Variants in SLC22A15 observed in about 807,000 individuals in gnomAD.
The protein encoded by SLC22A15 is flipt 1.
SLC22A15 carries 45 observed loss-of-function variants against 62.7 expected under a neutral mutation model. The ratio of observed to expected loss-of-function variants is 0.72; its 90% CI spans 0.56 to 0.92. The LOEUF (loss-of-function observed/expected upper bound fraction) is 0.92, where lower values mean the gene tolerates loss of function less well. Among genes scored for constraint, SLC22A15 ranks in the 40% least tolerant of loss-of-function variants. The pLI, the probability that SLC22A15 is intolerant of heterozygous loss-of-function variation, is 0.00. For missense variants in SLC22A15, 622 were observed against 665.6 expected, an observed-to-expected ratio of 0.93 and a Z score of 0.72; for synonymous variants, 264 against 267.0, an observed-to-expected ratio of 0.99 and a Z score of 0.11.
intron 2 of SLC22A15, among the ~76,000 whole-genome samples, chr1:116,000,870 G>A (rs1228389102): frequency 6.6e-6 from 1 of 152,066 alleles, no homozygotes; most frequent in Non-Finnish European, 1.5e-5. Context: ...CTGACCTCAT[G>A]ATCTGCCTGC....
Position 116,069,069 on chromosome 1 carries a change from C to T in SLC22A15, c.*1961C>T, listed in dbSNP as rs1315362067. ...TTGGGAGTCCATCTCTCTATTGGCA[C>T]TGGGTTCGATTGCCTCTGGCTAATA... On this transcript the variant is annotated 3_prime_UTR_variant, in exon 12 of 12. Coordinates refer to ENST00000369503, the MANE Select transcript of SLC22A15 (RefSeq NM_018420.3). The T allele has an allele frequency of 6.6e-6, 1 of 152,116 alleles. No homozygotes were observed. Among genetic ancestry groups the T allele is most frequent in the Non-Finnish European group, 1.5e-5 (1 of 68,020 alleles). The allele number at this position is 152,116 out of a possible 1,614,324, so 9.4% of individuals were successfully genotyped here. A position where few individuals can be genotyped will look rare whatever the true frequency, so the allele number is the denominator to read the frequency against.
chr1:115,980,798 G>A (rs1001767592), intron 1 of SLC22A15, among the ~76,000 whole-genome samples: 12 of 152,242 alleles, frequency 7.9e-5, no homozygotes, highest in Non-Finnish European at 1.5e-4. Context: ...AATTGTGATA[G>A]TAGTTTCATG....
intron 8 of SLC22A15, among the ~76,000 whole-genome samples, chr1:116,055,459 C>T (rs1007115059): frequency 6.7e-6 from 1 of 149,594 alleles, no homozygotes; most frequent in Non-Finnish European, 1.5e-5. Context: ...GATTCACAGC[C>T]AAATTCTACC....
At chr1:116,052,113 C>T (rs1032154036) in intron 8 of SLC22A15, among the ~76,000 whole-genome samples, 4 of 152,202 alleles carry the variant, frequency 2.6e-5, no homozygotes, top group African/African-American at 7.2e-5. Flanking sequence ...TTGCCTCACT[C>T]GGGAAGTGCA....
intron 5 of SLC22A15, among the ~76,000 whole-genome samples, chr1:116,028,380 CATTT>C (rs1657208573): frequency 6.6e-6 from 1 of 151,962 alleles, no homozygotes. Flanking sequence ...AATTAATAAA[CATTT>C]ATGTAAATAT....
At chr1:116,037,474 A>G (rs1425976652) in intron 8 of SLC22A15, 86 bp downstream of exon 8, 1 of 987,064 alleles carries the variant, frequency 1.0e-6, no homozygotes, top group Non-Finnish European at 1.6e-6. Context: ...ACCATATGGC[A>G]TGCTTCATTT....
At chr1:115,985,816 G>T (rs1186183988) in intron 1 of SLC22A15, among the ~76,000 whole-genome samples, 2 of 151,634 alleles carry the variant, frequency 1.3e-5, no homozygotes, top group Admixed American at 1.3e-4. Context: ...GTGTGGTGGC[G>T]GGTGCCTGTA....
chr1:116,037,253 G>T, intron 7 of SLC22A15, 50 bp from the exon 8 acceptor site: 4 of 1,450,914 alleles, frequency 2.8e-6, no homozygotes. Context: ...AGAAACAGAT[G>T]AATTTATAAG....
intron 1 of SLC22A15, among the ~76,000 whole-genome samples, chr1:115,982,736 C>A (rs1654671217): frequency 6.6e-6 from 1 of 152,202 alleles, no homozygotes; most frequent in Admixed American, 6.5e-5. Flanking sequence ...TACCTAGATG[C>A]TTTTTGTCCC....
At chr1:115,996,813 G>A (rs1390686911) in intron 2 of SLC22A15, among the ~76,000 whole-genome samples, 2 of 151,976 alleles carry the variant, frequency 1.3e-5, no homozygotes, top group African/African-American at 4.8e-5. Flanking sequence ...TATGAGTTGT[G>A]TAGCTTGTGC....
At chr1:116,042,856 T>C (rs1657827883) in intron 8 of SLC22A15, among the ~76,000 whole-genome samples, 3 of 152,154 alleles carry the variant, frequency 2.0e-5, no homozygotes, top group Non-Finnish European at 4.4e-5. Context: ...CCTAAACCAA[T>C]AGAATATGTA....
intron 8 of SLC22A15, among the ~76,000 whole-genome samples, chr1:116,040,927 G>A (rs1186068803): frequency 2.6e-5 from 4 of 152,204 alleles, no homozygotes; most frequent in African/African-American, 7.2e-5. Flanking sequence ...TAGAACCAAA[G>A]TATTCGTTGT....
chr1:115,999,018 A>G (rs1325188728), intron 2 of SLC22A15, among the ~76,000 whole-genome samples: 4 of 152,016 alleles, frequency 2.6e-5, no homozygotes, highest in Non-Finnish European at 5.9e-5. Flanking sequence ...TTTCTTCTTA[A>G]TTTCTTCTTT....
At chr1:116,030,850 A>G (rs77391355) in intron 5 of SLC22A15, among the ~76,000 whole-genome samples, 2,723 of 152,176 alleles carry the variant, frequency 0.018, 35 homozygotes, top group Middle Eastern at 0.065. Flanking sequence ...TCTACCTCCT[A>G]CATGTCACTA....
rs1484637373 is a variant in SLC22A15, at chr1:116,067,803, TCTGGCTGCCTG to T, written c.*696_*706del. The T allele has an allele frequency of 6.6e-6, 1 of 152,238 alleles. No homozygotes were observed. The highest frequency in any genetic ancestry group is 1.5e-5 in the Non-Finnish European group (1 of 68,082). The allele number at this position is 152,238 out of a possible 1,614,324, so 9.4% of individuals were successfully genotyped here. A position where few individuals can be genotyped will look rare whatever the true frequency, so the allele number is the denominator to read the frequency against. The stretch of plus-strand genomic sequence containing the variant: ...GTTTACTCAGAGTCAGGGGTGTAGC[TCTGGCTGCCTG>T]TCAGCTCCCTTGGATACTATATTGT... On this transcript the variant is annotated 3_prime_UTR_variant, in exon 12 of 12. Transcript: ENST00000369503.
Position 115,976,567 on chromosome 1 carries a change from G to A in SLC22A15, c.-61G>A. 2 of 1,352,322 alleles carry A rather than the reference G, an allele frequency of 1.5e-6. No homozygotes were observed. The highest frequency in any genetic ancestry group is 2.5e-5 in the South Asian group (2 of 80,512). 83.8% of individuals were successfully genotyped at this position (1,352,322 alleles called of 1,614,324 possible). A position where few individuals can be genotyped will look rare whatever the true frequency, so the allele number is the denominator to read the frequency against. On this transcript the variant is annotated 5_prime_UTR_variant, in exon 1 of 12. Transcript: ENST00000369503. ...CCGGGCGCCCAGGGGTTGCCGCGCTGGGCGGGAGGGCAGCGCCTGAGAGGG... is the reference window on the plus strand; with the variant it reads ...CCGGGCGCCCAGGGGTTGCCGCGCTAGGCGGGAGGGCAGCGCCTGAGAGGG...
intron 2 of SLC22A15, among the ~76,000 whole-genome samples, chr1:115,994,771 A>G (rs1463033002): frequency 6.6e-6 from 1 of 152,150 alleles, no homozygotes; most frequent in Admixed American, 6.5e-5. Flanking sequence ...TCATAACCAC[A>G]CCACAGTTAT....
intron 1 of SLC22A15, among the ~76,000 whole-genome samples, chr1:115,990,354 C>T (rs1179485570): frequency 6.6e-6 from 1 of 152,190 alleles, no homozygotes; most frequent in African/African-American, 2.4e-5. Flanking sequence ...TCCTCTCCTC[C>T]CGAGTTCCCT....
intron 8 of SLC22A15, among the ~76,000 whole-genome samples, chr1:116,056,029 C>T (rs1265395589): frequency 1.6e-5 from 2 of 121,324 alleles, no homozygotes; most frequent in African/African-American, 6.3e-5. Context: ...CACTCCTATT[C>T]AACATAGTGT....
Sources: allele counts gnomAD v4.1 joint callset (sites outside exome capture counted in the v4.1 genomes callset), GRCh38; gene constraint gnomAD v4.1.1; transcripts MANE v1.5; gene names NCBI Gene and HGNC (gene_info 2026-07-23, HGNC 2026-07-21).